Variants in ANKS1B observed in about 807,000 individuals in gnomAD.
The protein encoded by ANKS1B is ankyrin repeat and sterile alpha motif domain containing 1B.
A neutral mutation model predicts 148.3 loss-of-function variants in ANKS1B; 36 were observed. The ratio of observed to expected loss-of-function variants is 0.24; its 90% CI spans 0.19 to 0.32. The LOEUF is 0.32. Among genes scored for constraint, ANKS1B ranks in the 10% least tolerant of loss-of-function variants. ANKS1B has a pLI of 1.00. For synonymous variants in ANKS1B, 542 were observed against 560.8 expected, an observed-to-expected ratio of 0.97 and a Z score of 0.47; for missense variants, 1,157 against 1,542.6, an observed-to-expected ratio of 0.75 and a Z score of 4.19.
At chr12:99,441,807 TCTA>T (rs2095554799) in intron 11 of ANKS1B, among the ~76,000 whole-genome samples, 2 of 151,900 alleles carry the variant, frequency 1.3e-5, no homozygotes, top group Non-Finnish European at 2.9e-5. Flanking sequence ...TAATTCTACC[TCTA>T]GATTTCTTCA....
chr12:98,842,969 G>A (rs2099416242), intron 17 of ANKS1B, among the ~76,000 whole-genome samples: 1 of 152,296 alleles, frequency 6.6e-6, no homozygotes, highest in East Asian at 1.9e-4. Context: ...TGCTTTCTAA[G>A]TACTTACAAC....
chr12:99,565,207 C>G (rs1007949518), intron 9 of ANKS1B, among the ~76,000 whole-genome samples: 4 of 152,126 alleles, frequency 2.6e-5, no homozygotes, highest in African/African-American at 9.7e-5. Flanking sequence ...TCATTGGGCA[C>G]TATGTGCAAG....
intron 8 of ANKS1B, among the ~76,000 whole-genome samples, chr12:99,694,257 G>A (rs1227482542): frequency 4.6e-5 from 7 of 151,206 alleles, no homozygotes; most frequent in Admixed American, 1.3e-4. Context: ...TGGCCAACAT[G>A]GTGAAACCCT....
chr12:99,649,591 A>G, intron 9 of ANKS1B: 1 of 546,348 alleles, frequency 1.8e-6, no homozygotes, highest in South Asian at 2.3e-5. Context: ...TGGCAAAAGC[A>G]GCCTTCAGAG....
chr12:98,804,098 C>A (rs1192713739), intron 20 of ANKS1B, among the ~76,000 whole-genome samples: 1 of 152,236 alleles, frequency 6.6e-6, no homozygotes, highest in Non-Finnish European at 1.5e-5. Context: ...AAATCACAAA[C>A]CACTTGCTTT....
At chr12:99,266,449 C>T (rs2076451921) in intron 12 of ANKS1B, among the ~76,000 whole-genome samples, 2 of 152,174 alleles carry the variant, frequency 1.3e-5, no homozygotes, top group South Asian at 2.1e-4. Flanking sequence ...ATGAGCAACA[C>T]TAGAAAGGTT....
chr12:99,216,500 TA>T (rs542018395), intron 14 of ANKS1B, among the ~76,000 whole-genome samples: 3 of 152,170 alleles, frequency 2.0e-5, no homozygotes, highest in Non-Finnish European at 4.4e-5. Flanking sequence ...TTTCTTTTTT[TA>T]AAAAAATCTA....
intron 10 of ANKS1B, among the ~76,000 whole-genome samples, chr12:99,489,386 T>C (rs1205085235): frequency 1.3e-5 from 2 of 152,202 alleles, no homozygotes; most frequent in African/African-American, 4.8e-5. Flanking sequence ...GAAAGTACTT[T>C]TATTCTTTTT....
intron 8 of ANKS1B, 131 bp from the exon 9 acceptor site, chr12:99,655,341 A>G (rs1030380435): frequency 1.6e-5 from 12 of 762,278 alleles, no homozygotes; most frequent in South Asian, 9.5e-5. Context: ...CCACAGTTAC[A>G]TGGCTGTGCC....
At chr12:99,201,842 T>C (rs1265397538) in intron 14 of ANKS1B, among the ~76,000 whole-genome samples, 2 of 152,214 alleles carry the variant, frequency 1.3e-5, no homozygotes, top group Non-Finnish European at 1.5e-5. Flanking sequence ...AGGCTGGTTA[T>C]TTCCAGTTAC....
At chr12:98,910,615 A>C (rs779288042) in intron 17 of ANKS1B, among the ~76,000 whole-genome samples, 4 of 152,228 alleles carry the variant, frequency 2.6e-5, no homozygotes, top group Non-Finnish European at 5.9e-5. Context: ...TACCAGACTT[A>C]TAAACCAATA....
At chr12:99,645,623 A>T (rs1424701891) in intron 9 of ANKS1B, among the ~76,000 whole-genome samples, 1 of 152,214 alleles carries the variant, frequency 6.6e-6, no homozygotes, top group African/African-American at 2.4e-5. Flanking sequence ...CTATATAGAA[A>T]TCTGATTTAA....
chr12:99,396,862 T>C (rs1593922331), intron 12 of ANKS1B, among the ~76,000 whole-genome samples: 2 of 152,098 alleles, frequency 1.3e-5, no homozygotes. Context: ...CCCAAAACAA[T>C]GTACTAACTA....
At position 98,994,608 on chromosome 12, in the gene ANKS1B, G is replaced by C. The variant is rs1390346774; in HGVS notation, c.2778+58549C>G. On this transcript the variant is annotated intron_variant, in intron 17 of 26. Coordinates refer to ENST00000683438, the MANE Select transcript of ANKS1B (RefSeq NM_001352186.2). ...CACTCCATCCTGGGTAAAAGATTGAGTGGCTTAAGTGATAGAAGTTTCTTT... is the reference window on the plus strand; with the variant it reads ...CACTCCATCCTGGGTAAAAGATTGACTGGCTTAAGTGATAGAAGTTTCTTT... Among the ~76,000 whole-genome samples, 7 of 152,306 alleles carry C rather than the reference G, an allele frequency of 4.6e-5. No individual in the cohort carries two copies. The East Asian group carries it at 1.4e-3, about 29-fold the overall frequency.
chr12:99,005,359 C>G (rs1235969757), intron 17 of ANKS1B, among the ~76,000 whole-genome samples: 3 of 152,154 alleles, frequency 2.0e-5, no homozygotes, highest in African/African-American at 7.2e-5. Flanking sequence ...TGCAGCTGCT[C>G]TCACCCAAAC....
At chr12:99,159,217 ATTTG>A (rs1481794344) in intron 14 of ANKS1B, among the ~76,000 whole-genome samples, 2 of 152,008 alleles carry the variant, frequency 1.3e-5, no homozygotes, top group South Asian at 2.1e-4. Context: ...AGGTTGACTT[ATTTG>A]TTTGTTTTCA....
chr12:99,245,085 C>T (rs1016217114), intron 13 of ANKS1B, among the ~76,000 whole-genome samples: 1 of 152,066 alleles, frequency 6.6e-6, no homozygotes, highest in Non-Finnish European at 1.5e-5. Context: ...GAACTCCTGG[C>T]CTCAAGTGAT....
chr12:99,167,744 T>C (rs2077326652), intron 14 of ANKS1B, among the ~76,000 whole-genome samples: 1 of 151,520 alleles, frequency 6.6e-6, no homozygotes, highest in South Asian at 2.1e-4. Context: ...GAGACTTGTA[T>C]AGGCATGTTT....
intron 11 of ANKS1B, among the ~76,000 whole-genome samples, chr12:99,429,039 C>T (rs1190825473): frequency 1.3e-5 from 2 of 152,098 alleles, no homozygotes; most frequent in Admixed American, 1.3e-4. Flanking sequence ...TGGGTCTCTG[C>T]AAGTATAAAC....
Sources: gnomAD v4.1 joint callset for allele counts (sites outside exome capture counted in the v4.1 genomes callset) on GRCh38, gnomAD v4.1.1 for gene constraint, MANE v1.5 for transcripts, NCBI Gene and HGNC (gene_info 2026-07-23, HGNC 2026-07-21) for gene names.